MIER1: variants seen among roughly 807,000 people sequenced by gnomAD.
MIER1 encodes the protein mesoderm induction early response protein 1.
A neutral mutation model predicts 75.7 loss-of-function variants in MIER1; 40 were observed. The ratio of observed to expected loss-of-function variants is 0.53; its 90% CI spans 0.41 to 0.69. The LOEUF (loss-of-function observed/expected upper bound fraction) is 0.69. Ranked by LOEUF, MIER1 falls within the 30% of genes least tolerant of loss-of-function variation. The pLI is 0.00. For missense variants in MIER1, 574 were observed against 680.2 expected, an observed-to-expected ratio of 0.84 and a Z score of 1.74; for synonymous variants, 213 against 223.4, an observed-to-expected ratio of 0.95 and a Z score of 0.42.
rs1269070288 is a variant in MIER1, at chr1:66,985,406, C to T, written c.*506C>T. On this transcript the variant is annotated 3_prime_UTR_variant, in exon 14 of 14. Transcript: ENST00000401041. The stretch of plus-strand genomic sequence containing the variant: ...GTTTGAGTATCTTTATTAAGGAAAC[C>T]CTTACGAATCCTGAAAATTATGCTA... 1 of 982,480 alleles carries T rather than the reference C, an allele frequency of 1.0e-6. No individual in the cohort carries two copies. Among genetic ancestry groups the T allele is most frequent in the Non-Finnish European group, 1.2e-6 (1 of 827,464 alleles). 60.9% of individuals were successfully genotyped at this position (982,480 alleles called of 1,614,324 possible). A position where few individuals can be genotyped will look rare whatever the true frequency, so the allele number is the denominator to read the frequency against.
intron 6 of MIER1, 52 bp downstream of exon 6, chr1:66,959,035 A>G (rs754016468): frequency 6.8e-7 from 1 of 1,466,000 alleles, no homozygotes; most frequent in East Asian, 2.3e-5. Flanking sequence ...TATTTTAGGT[A>G]TTACCTAAAA....
intron 8 of MIER1, among the ~76,000 whole-genome samples, chr1:66,965,665 A>AATCCAT (rs1662234565): frequency 6.6e-6 from 1 of 152,232 alleles, no homozygotes; most frequent in African/African-American, 2.4e-5. Flanking sequence ...TGTTACAAAC[A>AATCCAT]ATCCATTTAT....
intron 8 of MIER1, among the ~76,000 whole-genome samples, chr1:66,967,638 C>G (rs1170686303): frequency 6.9e-6 from 1 of 145,340 alleles, no homozygotes; most frequent in East Asian, 2.0e-4. Flanking sequence ...TGTGGAATAT[C>G]ATTCCATTTT....
intron 4 of MIER1, among the ~76,000 whole-genome samples, chr1:66,955,320 C>T (rs2101649746): frequency 1.6e-5 from 2 of 128,918 alleles, no homozygotes; most frequent in East Asian, 5.0e-4. Context: ...ATACCAGCAG[C>T]ATTAGCATCA....
Position 66,986,647 on chromosome 1 carries a change from C to A in MIER1, c.*1747C>A. 1 of 551,518 alleles carries A rather than the reference C, an allele frequency of 1.8e-6. No individual in the cohort carries two copies. Among genetic ancestry groups the A allele is most frequent in the Non-Finnish European group, 3.2e-6 (1 of 309,952 alleles). The allele number at this position is 551,518 out of a possible 1,614,324, so 34.2% of individuals were successfully genotyped here. A position where few individuals can be genotyped will look rare whatever the true frequency, so the allele number is the denominator to read the frequency against. On this transcript the variant is annotated 3_prime_UTR_variant, in exon 14 of 14. Coordinates refer to ENST00000401041, the MANE Select transcript of MIER1 (RefSeq NM_001077700.3). ...TTTTTTTCCCAAACAGTGTTAAAAG[C>A]CACTTTGCAACACTTGACTTCATCT...
chr1:66,973,503 T>C (rs761583852), intron 11 of MIER1, among the ~76,000 whole-genome samples: 3 of 152,050 alleles, frequency 2.0e-5, no homozygotes, highest in Non-Finnish European at 2.9e-5. Flanking sequence ...TATATTCTTA[T>C]AGTTATAATT....
At chr1:66,926,372 G>A in intron 2 of MIER1, 130 bp downstream of exon 2, 1 of 649,130 alleles carries the variant, frequency 1.5e-6, no homozygotes, top group South Asian at 2.0e-5. Context: ...CCAGAATTTG[G>A]GTGAGATAAA....
intron 3 of MIER1, 168 bp downstream of exon 3, chr1:66,940,220 C>A: frequency 2.2e-6 from 1 of 450,930 alleles, no homozygotes; most frequent in Non-Finnish European, 3.9e-6. Flanking sequence ...CATGAAAGTA[C>A]AGGTGAGGCT....
chr1:66,976,455 C>A (rs1664749041), intron 11 of MIER1, 140 bp from the exon 12 acceptor site: 1 of 589,822 alleles, frequency 1.7e-6, no homozygotes, highest in Non-Finnish European at 2.7e-6. Context: ...TTCAACATAG[C>A]TGCTACACTG....
chr1:66,933,568 C>T (rs1653965840), intron 2 of MIER1, among the ~76,000 whole-genome samples: 1 of 151,906 alleles, frequency 6.6e-6, no homozygotes, highest in African/African-American at 2.4e-5. Context: ...ATTTTTTTAA[C>T]GAAGGATTAT....
chr1:66,945,380 C>T (rs1163277831), intron 3 of MIER1, among the ~76,000 whole-genome samples: 1 of 146,974 alleles, frequency 6.8e-6, no homozygotes, highest in Non-Finnish European at 1.5e-5. Flanking sequence ...GGAATAATGA[C>T]AAGGAAAAAC....
intron 13 of MIER1, among the ~76,000 whole-genome samples, chr1:66,982,187 C>T (rs1303354089): frequency 6.6e-6 from 1 of 152,130 alleles, no homozygotes; most frequent in East Asian, 1.9e-4. Context: ...CATCTCTTTT[C>T]CTGTCTTGTC....
chr1:66,944,500 C>G (rs553875848), intron 3 of MIER1, among the ~76,000 whole-genome samples: 4 of 151,576 alleles, frequency 2.6e-5, no homozygotes, highest in African/African-American at 9.7e-5. Flanking sequence ...GTATGCCCAG[C>G]CTTTGCATTC....
rs747751280 is a variant in MIER1, at chr1:66,987,213, CAAT to C, written c.*2317_*2319del. 6.6e-6 allele frequency: 1 copy of C among 152,666 alleles called. No individual in the cohort carries two copies. Among genetic ancestry groups the C allele is most frequent in the Non-Finnish European group, 1.5e-5 (1 of 67,974 alleles). 9.5% of individuals were successfully genotyped at this position (152,666 alleles called of 1,614,324 possible). A position where few individuals can be genotyped will look rare whatever the true frequency, so the allele number is the denominator to read the frequency against. On this transcript the variant is annotated 3_prime_UTR_variant, in exon 14 of 14. Transcript: ENST00000401041. ...TTTGTGTTTATACAGGTATTTCACACAATAATTTGTTCTTAATGCAGCCACTAT... is the reference window on the plus strand; with the variant it reads ...TTTGTGTTTATACAGGTATTTCACACAATTTGTTCTTAATGCAGCCACTAT...
intron 2 of MIER1, among the ~76,000 whole-genome samples, 183 bp downstream of exon 2, chr1:66,926,425 A>C (rs1418934497): frequency 1.3e-5 from 2 of 152,212 alleles, no homozygotes; most frequent in African/African-American, 4.8e-5. Context: ...ATAGTTTGTA[A>C]TATTCTGATA....
At chr1:66,925,804 C>T (rs777712690) in intron 1 of MIER1, among the ~76,000 whole-genome samples, 7 of 152,188 alleles carry the variant, frequency 4.6e-5, no homozygotes, top group Non-Finnish European at 7.3e-5. Context: ...TTTAAAGCTT[C>T]CTCCAACGCT....
In MIER1 at chr1:66,985,434, AT is replaced by A; in HGVS notation, c.*535del. 8 of 983,606 alleles carry A rather than the reference AT, an allele frequency of 8.1e-6. No homozygotes were observed. Among genetic ancestry groups the A allele is most frequent in the Non-Finnish European group, 9.7e-6 (8 of 828,142 alleles). The allele number at this position is 983,606 out of a possible 1,614,324, so 60.9% of individuals were successfully genotyped here. A position where few individuals can be genotyped will look rare whatever the true frequency, so the allele number is the denominator to read the frequency against. ...TACGAATCCTGAAAATTATGCTAGC[AT>A]GATTTTTTTATATATAGAAGTTTAA... is the stretch of plus-strand genomic sequence containing the variant. On this transcript the variant is annotated 3_prime_UTR_variant, in exon 14 of 14. Coordinates refer to ENST00000401041, the MANE Select transcript of MIER1 (RefSeq NM_001077700.3).
At chr1:66,958,824 A>T (rs1558070623) in intron 5 of MIER1, 27 bp from the exon 6 acceptor site, 1 of 1,576,520 alleles carries the variant, frequency 6.3e-7, no homozygotes. Context: ...CTTACATCTT[A>T]GAGAAATTTA....
chr1:66,961,519 T>C lies in MIER1; in HGVS notation c.700-1569T>C, dbSNP rs1402325276. Among the ~76,000 whole-genome samples the C allele has an allele frequency of 2.0e-5, 3 of 152,314 alleles. No homozygotes were observed. The East Asian group carries it at 5.8e-4, about 29-fold the overall frequency. On this transcript the variant is annotated intron_variant, in intron 7 of 13. Coordinates refer to ENST00000401041, the MANE Select transcript of MIER1 (RefSeq NM_001077700.3). ...GAACAAATTAACAGATGAAAAGAAATGTTCAGAACTGAACAGGAAAAAGGA... is the reference window on the plus strand; with the variant it reads ...GAACAAATTAACAGATGAAAAGAAACGTTCAGAACTGAACAGGAAAAAGGA...
Sources: allele counts gnomAD v4.1 joint callset (sites outside exome capture counted in the v4.1 genomes callset), GRCh38; gene constraint gnomAD v4.1.1; transcripts MANE v1.5; gene names NCBI Gene and HGNC (gene_info 2026-07-23, HGNC 2026-07-21).